The following P3H2 variants were observed in gnomAD, a reference collection of about 807,000 sequenced individuals.
The protein encoded by P3H2 is prolyl 3-hydroxylase 2.
Under a neutral mutation model 87.0 loss-of-function variants are expected in P3H2, and 80 were observed. That is an observed-to-expected ratio of 0.92 (90% confidence interval 0.77 to 1.11). The LOEUF is 1.11. Ranked by LOEUF, P3H2 falls within the 50% of genes least tolerant of loss-of-function variation. The pLI is 0.00. For synonymous variants in P3H2, 367 were observed against 359.3 expected (o/e 1.02, Z -0.24); for missense variants, 1,001 against 923.9 (o/e 1.08, Z -1.08).
intron 13 of P3H2, 74 bp downstream of exon 13, chr3:189,970,742 C>T: frequency 1.2e-6 from 1 of 858,954 alleles, no homozygotes; most frequent in Non-Finnish European, 2.0e-6. Context: ...ATCTAACCAT[C>T]TGTAAGTACT....
intron 1 of P3H2, among the ~76,000 whole-genome samples, chr3:190,074,849 G>A (rs951975984): frequency 2.6e-5 from 4 of 152,300 alleles, no homozygotes; most frequent in Non-Finnish European, 4.4e-5. Flanking sequence ...CTGAAAGCAC[G>A]AGAGAAGAAA....
rs906847369 is a variant in P3H2 at position 190,023,497 on chromosome 3, C to T, written c.481-28055G>A. Reference sequence around the variant, plus strand: ...ACGAGGCGGCAGGAAGGAGAAGTGCCGAGTGAAGCGGGTAGAGCCCCTTAT... The same window carrying T: ...ACGAGGCGGCAGGAAGGAGAAGTGCTGAGTGAAGCGGGTAGAGCCCCTTAT... On this transcript the variant is annotated intron_variant, in intron 1 of 14. Transcript: ENST00000319332. 1.1e-4 allele frequency among the ~76,000 whole-genome samples: 16 copies of T among 152,036 alleles called. No homozygotes were observed. The East Asian group carries it at 1.5e-3, about 15-fold the overall frequency.
intron 1 of P3H2, among the ~76,000 whole-genome samples, chr3:190,071,165 T>G (rs1380903377): frequency 6.6e-6 from 1 of 152,182 alleles, no homozygotes; most frequent in African/African-American, 2.4e-5. Flanking sequence ...GACATTGACT[T>G]TAGCTATTAC....
intron 1 of P3H2, among the ~76,000 whole-genome samples, chr3:190,067,794 A>G (rs1268759584): frequency 6.6e-6 from 1 of 152,200 alleles, no homozygotes; most frequent in Admixed American, 6.5e-5. Context: ...TTATTTATCT[A>G]TATCTGGAAT....
intron 1 of P3H2, among the ~76,000 whole-genome samples, chr3:190,024,644 TA>T (rs1226216371): frequency 6.6e-6 from 1 of 151,986 alleles, no homozygotes. Flanking sequence ...GGGCTCTTGG[TA>T]AATGTGTCTG....
Position 190,022,896 on chromosome 3 carries a change from G to A in P3H2, c.481-27454C>T, listed in dbSNP as rs545962065. On this transcript the variant is annotated intron_variant, in intron 1 of 14. Transcript: ENST00000319332. ...GGCCCGAGTGCAGTGGCGCGATCTC[G>A]GCTCACTGCAAGTTCCACCTCCCGG... Among the ~76,000 whole-genome samples the A allele has an allele frequency of 1.1e-4, 16 of 151,964 alleles. No individual in the cohort carries two copies. The East Asian group carries it at 2.5e-3, about 24-fold the overall frequency.
intron 1 of P3H2, among the ~76,000 whole-genome samples, chr3:190,089,224 C>G (rs564422722): frequency 2.0e-5 from 3 of 147,020 alleles, no homozygotes; most frequent in Non-Finnish European, 4.4e-5. Flanking sequence ...TGTCGTGGGG[C>G]GGGGGAAGCG....
intron 1 of P3H2, among the ~76,000 whole-genome samples, chr3:190,074,501 A>G (rs1402417168): frequency 6.6e-6 from 1 of 152,024 alleles, no homozygotes; most frequent in Non-Finnish European, 1.5e-5. Flanking sequence ...ACAGAGCGAG[A>G]CTCTGTCTCA....
At chr3:189,979,846 T>C (rs565430248) in intron 8 of P3H2, among the ~76,000 whole-genome samples, 2 of 152,026 alleles carry the variant, frequency 1.3e-5, no homozygotes, top group Non-Finnish European at 2.9e-5. Flanking sequence ...CATGCACCTG[T>C]AGTCCCAGCT....
At position 190,074,322 on chromosome 3, in the gene P3H2, C is replaced by T. The variant is rs548304882; in HGVS notation, c.480+45930G>A. 2.0e-5 allele frequency among the ~76,000 whole-genome samples: 3 copies of T among 152,058 alleles called. No homozygotes were observed. The East Asian group carries it at 5.8e-4, about 29-fold the overall frequency. On this transcript the variant is annotated intron_variant, in intron 1 of 14. Coordinates refer to ENST00000319332, the MANE Select transcript of P3H2 (RefSeq NM_018192.4). ...GTCAGGAGTTCGAGACCTGCCTGGC[C>T]AACATGACGAAACCTGGTCTCTATT... is the stretch of plus-strand genomic sequence containing the variant.
chr3:190,041,177 T>C (rs1725620313), intron 1 of P3H2, among the ~76,000 whole-genome samples: 1 of 141,030 alleles, frequency 7.1e-6, no homozygotes, highest in Admixed American at 7.5e-5. Flanking sequence ...GAGATTGAGG[T>C]AGGAGGATCA....
chr3:190,025,088 C>T (rs1433866157), intron 1 of P3H2, among the ~76,000 whole-genome samples: 1 of 152,100 alleles, frequency 6.6e-6, no homozygotes, highest in Non-Finnish European at 1.5e-5. Flanking sequence ...TTAAAATAGA[C>T]CTATGAATAT....
intron 1 of P3H2, 63 bp downstream of exon 1, chr3:190,120,189 A>G: frequency 6.4e-7 from 1 of 1,559,798 alleles, no homozygotes; most frequent in East Asian, 2.3e-5. Flanking sequence ...GGCAGCAGGG[A>G]GGGCTCAAGA....
chr3:189,964,040 G>A lies in P3H2; in HGVS notation c.1952C>T (p.Pro651Leu), dbSNP rs145198817. The A allele has an allele frequency of 1.2e-5, 19 of 1,614,138 alleles. No homozygotes were observed. The highest frequency in any genetic ancestry group is 1.7e-5 in the Admixed American group (1 of 60,028). The change falls in exon 14 of 15, where the codon CCT (proline) becomes CTT (leucine). Residue 651 changes from proline (P) to leucine (L), a missense_variant. By Grantham distance (98) the Pro-to-Leu change is moderately conservative (BLOSUM62 -3). Coordinates refer to ENST00000319332, the MANE Select transcript of P3H2 (RefSeq NM_018192.4). ...CTTGGTGACTGCCTTCACCCCATGAGGGTTCTCTCCTCCAGATGAGAAGCT... is the reference window on the plus strand; with the variant it reads ...CTTGGTGACTGCCTTCACCCCATGAAGGTTCTCTCCTCCAGATGAGAAGCT... ...MISFSSGGENPHGVKAVTKGK... is the reference protein window; with the variant it reads ...MISFSSGGENLHGVKAVTKGK...
chr3:190,038,567 T>C (rs1620731), intron 1 of P3H2, among the ~76,000 whole-genome samples: 122,663 of 150,538 alleles, frequency 0.81, 50,108 homozygotes, highest in African/African-American at 0.87. Context: ...GATGACTTTT[T>C]AGTTCCCTTT....
At chr3:190,109,190 C>G (rs1486330617) in intron 1 of P3H2, among the ~76,000 whole-genome samples, 1 of 152,192 alleles carries the variant, frequency 6.6e-6, no homozygotes, top group Non-Finnish European at 1.5e-5. Context: ...AGACTTCAAT[C>G]TAATTGCTTT....
At chr3:189,991,316 C>T (rs1666435) in intron 3 of P3H2, among the ~76,000 whole-genome samples, 113,660 of 152,218 alleles carry the variant, frequency 0.75, 43,251 homozygotes, top group East Asian at 0.91. Flanking sequence ...TCATTCGTCA[C>T]ATTAATTTTC....
chr3:190,054,457 T>C (rs1726086883), intron 1 of P3H2, among the ~76,000 whole-genome samples: 1 of 152,058 alleles, frequency 6.6e-6, no homozygotes, highest in South Asian at 2.1e-4. Flanking sequence ...ATATCAACAT[T>C]GGGAGAGATA....
chr3:190,099,936 A>G (rs575055258), intron 1 of P3H2, among the ~76,000 whole-genome samples: 5 of 152,322 alleles, frequency 3.3e-5, no homozygotes, highest in African/African-American at 9.6e-5. Context: ...TGACACTGCT[A>G]TAAAATACCA....
Sources: gnomAD v4.1 joint callset for allele counts (sites outside exome capture counted in the v4.1 genomes callset) on GRCh38, gnomAD v4.1.1 for gene constraint, MANE v1.5 for transcripts, NCBI Gene and HGNC (gene_info 2026-07-23, HGNC 2026-07-21) for gene names.